The following RASGRP1 variants were observed in gnomAD, a reference collection of about 807,000 sequenced individuals.
RASGRP1 encodes RAS guanyl-releasing protein 1.
In RASGRP1, 37 loss-of-function variants were observed where a neutral mutation model predicts 95.1. That is an observed-to-expected ratio of 0.39 (90% confidence interval 0.30 to 0.51). The LOEUF is 0.51. RASGRP1 is among the 20% of genes least tolerant of loss of function. The pLI, the probability that RASGRP1 is intolerant of heterozygous loss-of-function variation, is 0.80. For synonymous variants in RASGRP1, 325 were observed against 353.4 expected, an observed-to-expected ratio of 0.92 and a Z score of 0.90; for missense variants, 711 against 965.4, an observed-to-expected ratio of 0.74 and a Z score of 3.49.
At chr15:38,563,138 G>A (rs748329671) in intron 1 of RASGRP1, among the ~76,000 whole-genome samples, 10 of 152,208 alleles carry the variant, frequency 6.6e-5, no homozygotes, top group Non-Finnish European at 1.2e-4. Flanking sequence ...CTCTTAACTG[G>A]TTGCCTTGTG....
At chr15:38,543,850 TTCTC>T (rs911030869) in intron 2 of RASGRP1, among the ~76,000 whole-genome samples, 2 of 152,120 alleles carry the variant, frequency 1.3e-5, no homozygotes, top group Admixed American at 1.3e-4. Context: ...CTGCTTTAAA[TTCTC>T]TATCTACTAA....
intron 2 of RASGRP1, among the ~76,000 whole-genome samples, chr15:38,540,086 C>A (rs1892806357): frequency 6.6e-6 from 1 of 151,760 alleles, no homozygotes; most frequent in Admixed American, 6.6e-5. Context: ...CAGGCTAATT[C>A]TTTTTTATTA....
intron 2 of RASGRP1, among the ~76,000 whole-genome samples, chr15:38,558,800 A>G (rs989013507): frequency 6.6e-6 from 1 of 152,214 alleles, no homozygotes; most frequent in Non-Finnish European, 1.5e-5. Flanking sequence ...GTATTTCCCA[A>G]TTCTATACAT....
rs1891066128 is a variant in RASGRP1 at position 38,502,346 on chromosome 15, A to G, written c.1504T>C (p.Phe502Leu). The G allele has an allele frequency of 6.2e-7, 1 of 1,602,498 alleles. No homozygotes were observed. The highest frequency in any genetic ancestry group is 8.6e-7 in the Non-Finnish European group (1 of 1,169,544). ...QEEFEKIAAS[F>L]PFSFCVMDKD... ...TCCATCACACAGAAGGAAAATGGAA[A>G]ACTCGCAGCAATCTTTTCAAATTCT... The change falls in exon 12 of 17, where the codon TTT becomes CTT. Residue 502 changes from phenylalanine to leucine, a missense_variant. Physicochemically the swap from Phe to Leu is conservative, Grantham distance 22. Coordinates refer to ENST00000310803, the MANE Select transcript of RASGRP1 (RefSeq NM_005739.4).
At chr15:38,557,538 T>C (rs1893614510) in intron 2 of RASGRP1, among the ~76,000 whole-genome samples, 1 of 151,916 alleles carries the variant, frequency 6.6e-6, no homozygotes, top group Non-Finnish European at 1.5e-5. Flanking sequence ...AAACTCTACA[T>C]GGTATAAAAA....
chr15:38,511,747 A>C, intron 7 of RASGRP1, 27 bp from the exon 8 acceptor site: 1 of 1,543,136 alleles, frequency 6.5e-7, no homozygotes, highest in Non-Finnish European at 9.0e-7. Flanking sequence ...AGATGACAGC[A>C]GAGTCACTGT....
At chr15:38,542,746 A>G (rs139331407) in intron 2 of RASGRP1, among the ~76,000 whole-genome samples, 9 of 151,582 alleles carry the variant, frequency 5.9e-5, no homozygotes, top group African/African-American at 2.2e-4. Flanking sequence ...AGAGGGTCCC[A>G]ATAATGGCAA....
At chr15:38,538,999 C>T (rs771275360) in intron 2 of RASGRP1, among the ~76,000 whole-genome samples, 2 of 152,140 alleles carry the variant, frequency 1.3e-5, no homozygotes, top group African/African-American at 4.8e-5. Flanking sequence ...GACCACTCTC[C>T]TCACACGTTG....
intron 4 of RASGRP1, 21 bp from the exon 5 acceptor site, chr15:38,518,444 AAC>A (rs770354901): frequency 4.6e-5 from 73 of 1,588,970 alleles, no homozygotes; most frequent in Non-Finnish European, 6.0e-5. Context: ...GGGGTTAAAA[AAC>A]ACAATCCAAA....
intron 16 of RASGRP1, among the ~76,000 whole-genome samples, chr15:38,491,751 A>G (rs1159668730): frequency 6.6e-6 from 1 of 152,192 alleles, no homozygotes; most frequent in Non-Finnish European, 1.5e-5. Context: ...TCTAAAATAC[A>G]CACAGTGAAT....
intron 2 of RASGRP1, among the ~76,000 whole-genome samples, chr15:38,528,258 A>C (rs1005498261): frequency 1.3e-5 from 2 of 152,164 alleles, no homozygotes; most frequent in Non-Finnish European, 2.9e-5. Flanking sequence ...ACCAAATAAA[A>C]CAAAACCTTA....
chr15:38,560,059 A>C, intron 1 of RASGRP1, 54 bp from the exon 2 acceptor site: 1 of 1,452,152 alleles, frequency 6.9e-7, no homozygotes, highest in Non-Finnish European at 9.5e-7. Context: ...CACGCTCTGA[A>C]GGCAGATTGG....
At chr15:38,499,185 C>T (rs780922365) in intron 14 of RASGRP1, 2 of 658,260 alleles carry the variant, frequency 3.0e-6, no homozygotes, top group South Asian at 3.0e-5. Flanking sequence ...ATCCTGATAT[C>T]TTGGAGGGAA....
chr15:38,520,871 G>A (rs914160565), intron 3 of RASGRP1, among the ~76,000 whole-genome samples: 1 of 152,110 alleles, frequency 6.6e-6, no homozygotes, highest in African/African-American at 2.4e-5. Flanking sequence ...AGCTAAACTT[G>A]AAACCCTAAA....
chr15:38,558,241 C>A (rs1218125270), intron 2 of RASGRP1, among the ~76,000 whole-genome samples: 1 of 152,100 alleles, frequency 6.6e-6, no homozygotes, highest in Non-Finnish European at 1.5e-5. Context: ...ACAATGGCCC[C>A]ACGTCAGCCG....
At chr15:38,517,598 T>C (rs938927016) in intron 5 of RASGRP1, among the ~76,000 whole-genome samples, 4 of 152,158 alleles carry the variant, frequency 2.6e-5, no homozygotes, top group Non-Finnish European at 4.4e-5. Context: ...TGAGCCTCAA[T>C]TTCCCAGTCA....
At chr15:38,494,361 G>A (rs765107369) in intron 16 of RASGRP1, 21 bp downstream of exon 16, 3 of 1,612,768 alleles carry the variant, frequency 1.9e-6, no homozygotes, top group Middle Eastern at 1.6e-4. Context: ...CTGAAAAAAA[G>A]GAAAATGAAA....
At chr15:38,505,784 G>C (rs556137897) in intron 10 of RASGRP1, 56 bp downstream of exon 10, 2 of 1,366,324 alleles carry the variant, frequency 1.5e-6, no homozygotes, top group Non-Finnish European at 2.1e-6. Context: ...GAATGAACTC[G>C]AGGAGAAGCT....
At chr15:38,531,259 T>C (rs999680581) in intron 2 of RASGRP1, among the ~76,000 whole-genome samples, 1 of 152,216 alleles carries the variant, frequency 6.6e-6, no homozygotes, top group South Asian at 2.1e-4. Context: ...AGCTGGGACC[T>C]GGCCCAAGGT....
Sources: gnomAD v4.1 joint callset for allele counts (sites outside exome capture counted in the v4.1 genomes callset) on GRCh38, gnomAD v4.1.1 for gene constraint, MANE v1.5 for transcripts, NCBI Gene and HGNC (gene_info 2026-07-23, HGNC 2026-07-21) for gene names.